The following ESRP1 variants were observed in gnomAD, a reference collection of about 807,000 sequenced individuals.
ESRP1 encodes epithelial splicing regulatory protein 1, also known as RNA-binding motif protein 35A.
In ESRP1, 33 loss-of-function variants were observed where a neutral mutation model predicts 81.7. The observed-to-expected ratio is 0.40, with a 90% CI of 0.31 to 0.54. The LOEUF is 0.54. Ranked by LOEUF, ESRP1 falls within the 20% of genes least tolerant of loss-of-function variation. ESRP1 has a pLI of 0.41. For synonymous variants in ESRP1, 320 were observed against 303.3 expected (o/e 1.06, Z -0.57); for missense variants, 672 against 833.1 (o/e 0.81, Z 2.38).
intron 4 of ESRP1, among the ~76,000 whole-genome samples, chr8:94,656,841 TA>T: frequency 6.6e-6 from 1 of 152,336 alleles, no homozygotes; most frequent in African/African-American, 2.4e-5. Flanking sequence ...ATTACCTTAT[TA>T]AAAACTTAGT....
chr8:94,659,723 AG>A (rs1287910108), intron 4 of ESRP1, among the ~76,000 whole-genome samples: 3 of 152,268 alleles, frequency 2.0e-5, no homozygotes, highest in Non-Finnish European at 4.4e-5. Flanking sequence ...ATGAATGATA[AG>A]AAAGCAAAAC....
chr8:94,680,172 T>A (rs1438681435), intron 13 of ESRP1, among the ~76,000 whole-genome samples: 1 of 152,000 alleles, frequency 6.6e-6, no homozygotes, highest in Non-Finnish European at 1.5e-5. Flanking sequence ...AACATGCTTG[T>A]ATTTCTGTAA....
chr8:94,691,926 A>G (rs540831475), intron 13 of ESRP1, among the ~76,000 whole-genome samples: 1 of 152,286 alleles, frequency 6.6e-6, no homozygotes, highest in African/African-American at 2.4e-5. Flanking sequence ...GAGGTAGAAA[A>G]CAGAGTGGGT....
intron 15 of ESRP1, among the ~76,000 whole-genome samples, chr8:94,699,603 G>A (rs1809737782): frequency 6.6e-6 from 1 of 152,130 alleles, no homozygotes; most frequent in Admixed American, 6.5e-5. Flanking sequence ...TTGTACCACT[G>A]CAGTCCAGCC....
At chr8:94,656,119 C>G (rs914714139) in intron 4 of ESRP1, 1 of 150,634 alleles carries the variant, frequency 6.6e-6, no homozygotes, top group African/African-American at 2.4e-5. Flanking sequence ...CAGGTTAAAA[C>G]TCATGCTCTT....
At chr8:94,659,081 C>T (rs1166332607) in intron 4 of ESRP1, among the ~76,000 whole-genome samples, 4 of 152,054 alleles carry the variant, frequency 2.6e-5, no homozygotes, top group South Asian at 2.1e-4. Context: ...GATGGGGACT[C>T]GCTATCTCAG....
At chr8:94,672,464 T>G (rs1351133983) in intron 11 of ESRP1, among the ~76,000 whole-genome samples, 1 of 152,224 alleles carries the variant, frequency 6.6e-6, no homozygotes, top group Non-Finnish European at 1.5e-5. Flanking sequence ...TTTAACAGTA[T>G]TTTGTGCTGT....
Position 94,662,309 on chromosome 8 carries a change from T to C in ESRP1, c.528T>C (p.Tyr176=), listed in dbSNP as rs752068289. 317 of 1,584,120 alleles carry C rather than the reference T, an allele frequency of 2.0e-4. No individual in the cohort carries two copies. Among genetic ancestry groups the C allele is most frequent in the Non-Finnish European group, 2.7e-4 (312 of 1,163,810 alleles). The change falls in exon 5 of 16, where the codon TAT becomes TAC. Residue 176 remains tyrosine, a synonymous_variant. Coordinates refer to ENST00000433389, the MANE Select transcript of ESRP1 (RefSeq NM_017697.4). ...NFEKSSSVSR[Y]GASQVEDMGN... ...AGAAGAGTAGTTCAGTCTCTCGATA[T>C]GGAGCCTCTCAAGTTGAAGATATGG... is the stretch of plus-strand genomic sequence containing the variant.
At chr8:94,695,372 TGAGACGGAGTCTCAC>T (rs1809561879) in intron 14 of ESRP1, among the ~76,000 whole-genome samples, 2 of 40,284 alleles carry the variant, frequency 5.0e-5, no homozygotes, top group Admixed American at 2.5e-4. Context: ...TTTTTTTTTT[TGAGACGGAGTCTCAC>T]TCTGTCGCCC....
intron 15 of ESRP1, 62 bp from the exon 16 acceptor site, chr8:94,705,862 TG>T: frequency 7.2e-7 from 1 of 1,387,350 alleles, no homozygotes; most frequent in South Asian, 1.4e-5. Flanking sequence ...TTGTGGCTGC[TG>T]AGAATGACAT....
rs1277403223 is a variant in ESRP1 at position 94,706,805 on chromosome 8, T to C, written c.*916T>C. 1 of 152,214 alleles carries C rather than the reference T, an allele frequency of 6.6e-6. No homozygotes were observed. Among genetic ancestry groups the C allele is most frequent in the Non-Finnish European group, 1.5e-5 (1 of 68,032 alleles). 9.4% of individuals were successfully genotyped at this position (152,214 alleles called of 1,614,324 possible). A position where few individuals can be genotyped will look rare whatever the true frequency, so the allele number is the denominator to read the frequency against. On this transcript the variant is annotated 3_prime_UTR_variant, in exon 16 of 16. Transcript: ENST00000433389. ...TTGAACAGTGTATTCTAGAAAACAA[T>C]ACACTAACTGAACAGAAGTGAATGC...
In ESRP1 at chr8:94,664,961, C is replaced by T. The variant is rs1236801174; in HGVS notation, c.790C>T (p.Arg264Ter). 6.2e-7 allele frequency: 1 copy of T among 1,612,936 alleles called. No homozygotes were observed. The highest frequency in any genetic ancestry group is 1.7e-5 in the Admixed American group (1 of 59,900). The part of the protein sequence containing the change: ...GAALCLNAQG[R>*]RNGEALVRFV... ...AGCACTTTGTCTGAATGCTCAGGGTCGAAGGAACGGAGAAGCTCTGGTTAG... is the reference window on the plus strand; with the variant it reads ...AGCACTTTGTCTGAATGCTCAGGGTTGAAGGAACGGAGAAGCTCTGGTTAG... Residue 264 changes from arginine (R) to a stop codon, truncating the protein, a stop_gained, in exon 8 of 16, where the codon CGA (arginine) becomes TGA (stop). Transcript: ENST00000433389. LOFTEE classifies it high-confidence loss of function.
chr8:94,650,100 T>C (rs1159469169), intron 4 of ESRP1, among the ~76,000 whole-genome samples: 3 of 152,182 alleles, frequency 2.0e-5, no homozygotes, highest in African/African-American at 7.2e-5. Flanking sequence ...TGAGCCTACA[T>C]TGACATGTCA....
chr8:94,650,223 TTG>T (rs1818053879), intron 4 of ESRP1, among the ~76,000 whole-genome samples: 1 of 151,886 alleles, frequency 6.6e-6, no homozygotes. Flanking sequence ...TCAAAATACA[TTG>T]TAGCAATAGC....
chr8:94,641,782 G>T, intron 1 of ESRP1, 174 bp from the exon 2 acceptor site: 1 of 936,492 alleles, frequency 1.1e-6, no homozygotes, highest in East Asian at 3.4e-5. Flanking sequence ...TATCGGGTGG[G>T]GGGTGGGGCG....
At chr8:94,705,827 G>T in intron 15 of ESRP1, 98 bp from the exon 16 acceptor site, 1 of 1,121,336 alleles carries the variant, frequency 8.9e-7, no homozygotes, top group Non-Finnish European at 1.3e-6. Context: ...TTTCCACAAA[G>T]TCCTTGTGGA....
rs548666043 is a variant in ESRP1, at chr8:94,677,921, A to C, written c.1652-282A>C. ...CTGGCACTCAGGAACATGAGGGAAA[A>C]AAATTACATATTGTGAAATGGTTGA... is the stretch of plus-strand genomic sequence containing the variant. On this transcript the variant is annotated intron_variant, in intron 12 of 15. Coordinates refer to ENST00000433389, the MANE Select transcript of ESRP1 (RefSeq NM_017697.4). 3.9e-5 allele frequency among the ~76,000 whole-genome samples: 6 copies of C among 152,310 alleles called. No individual in the cohort carries two copies. The East Asian group carries it at 5.8e-4, about 15-fold the overall frequency.
intron 3 of ESRP1, among the ~76,000 whole-genome samples, chr8:94,645,292 C>G (rs1023692959): frequency 3.9e-5 from 6 of 151,940 alleles, no homozygotes; most frequent in African/African-American, 1.5e-4. Context: ...GTCTTAATTT[C>G]CTTGATGTTC....
At chr8:94,666,283 G>C (rs898528075) in intron 9 of ESRP1, among the ~76,000 whole-genome samples, 1 of 152,202 alleles carries the variant, frequency 6.6e-6, no homozygotes, top group Non-Finnish European at 1.5e-5. Context: ...CTACTTGGGA[G>C]GCTGAGACAG....
Sources: gnomAD v4.1 joint callset for allele counts (sites outside exome capture counted in the v4.1 genomes callset) on GRCh38, gnomAD v4.1.1 for gene constraint, MANE v1.5 for transcripts, NCBI Gene and HGNC (gene_info 2026-07-23, HGNC 2026-07-21) for gene names.